Variants in DAAM1 observed in about 807,000 individuals in gnomAD.
DAAM1 encodes disheveled-associated activator of morphogenesis 1.
DAAM1 carries 52 observed loss-of-function variants against 130.0 expected under a neutral mutation model. That is an observed-to-expected ratio of 0.40 (90% CI 0.32 to 0.50). The LOEUF (loss-of-function observed/expected upper bound fraction) is 0.50. Ranked by LOEUF, DAAM1 falls within the 20% of genes least tolerant of loss-of-function variation. The probability of loss-of-function intolerance (pLI) is 0.61; values close to 1 mark genes in which losing one functional copy is unlikely to be tolerated. For synonymous variants in DAAM1, 452 were observed against 444.5 expected, an observed-to-expected ratio of 1.02 and a Z score of -0.21; for missense variants, 1,134 against 1,303.8, an observed-to-expected ratio of 0.87 and a Z score of 2.01.
chr14:59,298,344 C>G (rs528313909), intron 3 of DAAM1, among the ~76,000 whole-genome samples: 72 of 152,280 alleles, frequency 4.7e-4, no homozygotes, highest in African/African-American at 1.7e-3. Flanking sequence ...CTCAATCTCT[C>G]TCTCTCATTG....
intron 2 of DAAM1, 91 bp downstream of exon 2, chr14:59,263,751 A>G (rs755473610): frequency 6.6e-6 from 10 of 1,526,658 alleles, no homozygotes; most frequent in Non-Finnish European, 1.8e-6. Flanking sequence ...TTTGACATGG[A>G]CTTTTCCTTT....
intron 17 of DAAM1, among the ~76,000 whole-genome samples, chr14:59,347,875 A>G (rs1448426064): frequency 6.6e-6 from 1 of 152,236 alleles, no homozygotes; most frequent in African/African-American, 2.4e-5. Context: ...TCAAGCTGCA[A>G]TTAAGTCATT....
chr14:59,353,939 G>A lies in DAAM1; in HGVS notation c.2331G>A (p.Val777=). ...LYFKKKFAER[V]AEVKPKVEAI... Reference sequence around the variant, plus strand: ...TCAAAAAGAAGTTTGCAGAGCGTGTGGCAGAAGTGAAACCTAAAGTGGAAG... The same window carrying A: ...TCAAAAAGAAGTTTGCAGAGCGTGTAGCAGAAGTGAAACCTAAAGTGGAAG... Residue 777 remains valine (V), a synonymous_variant, in exon 19 of 25, where the codon GTG becomes GTA. Transcript: ENST00000360909. 1 of 1,614,022 alleles carries A rather than the reference G, an allele frequency of 6.2e-7. No homozygotes were observed. Among genetic ancestry groups the A allele is most frequent in the Non-Finnish European group, 8.5e-7 (1 of 1,179,932 alleles).
intron 13 of DAAM1, 51 bp from the exon 14 acceptor site, chr14:59,331,158 A>G (rs61264169): frequency 0.062 from 98,156 of 1,593,928 alleles, 4,871 homozygotes; most frequent in African/African-American, 0.26. Flanking sequence ...AAATCATTCA[A>G]TGAATTTACT....
intron 3 of DAAM1, among the ~76,000 whole-genome samples, chr14:59,298,839 T>G (rs986642523): frequency 6.6e-6 from 1 of 152,240 alleles, no homozygotes; most frequent in Non-Finnish European, 1.5e-5. Flanking sequence ...TCATTCCAGC[T>G]GTGTCCCTAC....
chr14:59,332,482 T>TC, intron 15 of DAAM1, among the ~76,000 whole-genome samples: 1 of 152,184 alleles, frequency 6.6e-6, no homozygotes, highest in Non-Finnish European at 1.5e-5. Context: ...GAGATGGTAA[T>TC]GGTGCAAATA....
At chr14:59,327,655 C>G (rs938366743) in intron 12 of DAAM1, among the ~76,000 whole-genome samples, 3 of 152,074 alleles carry the variant, frequency 2.0e-5, no homozygotes, top group African/African-American at 7.2e-5. Flanking sequence ...GATCCACCCG[C>G]CTTGGCTGCC....
intron 15 of DAAM1, among the ~76,000 whole-genome samples, chr14:59,335,348 T>C (rs1566710278): frequency 6.6e-6 from 1 of 152,216 alleles, no homozygotes; most frequent in Non-Finnish European, 1.5e-5. Context: ...AAAAGTTCAT[T>C]TGAAAGTCAA....
At chr14:59,330,903 G>T (rs1473248786) in intron 13 of DAAM1, among the ~76,000 whole-genome samples, 1 of 152,174 alleles carries the variant, frequency 6.6e-6, no homozygotes, top group Non-Finnish European at 1.5e-5. Flanking sequence ...AAGAGCAAAG[G>T]AAATTGCATT....
At chr14:59,245,322 G>T (rs1881321429) in intron 1 of DAAM1, among the ~76,000 whole-genome samples, 1 of 151,980 alleles carries the variant, frequency 6.6e-6, no homozygotes, top group African/African-American at 2.4e-5. Flanking sequence ...TTTCAATACT[G>T]TATTGCTTGC....
At chr14:59,338,243 T>C (rs1049122685) in intron 15 of DAAM1, 37 of 769,154 alleles carry the variant, frequency 4.8e-5, no homozygotes, top group Admixed American at 1.9e-4. Context: ...TCAACTCTCA[T>C]TGATGATCCC....
chr14:59,290,651 A>G (rs1052517876), intron 2 of DAAM1, among the ~76,000 whole-genome samples: 5 of 152,164 alleles, frequency 3.3e-5, no homozygotes, highest in Admixed American at 6.5e-5. Flanking sequence ...GCTTTCCGCT[A>G]TTCACTCCCT....
chr14:59,270,422 A>G (rs1010899552), intron 2 of DAAM1, among the ~76,000 whole-genome samples: 2 of 152,166 alleles, frequency 1.3e-5, no homozygotes, highest in Non-Finnish European at 2.9e-5. Context: ...CCAGCTCTCC[A>G]GGGAACTAAT....
chr14:59,368,948 A>C lies in DAAM1; in HGVS notation c.*89A>C. ...CATTACACTGCCTTGCAATCCAAAC[A>C]GTGGCAATTTTTTCCTTCATCTGTG... On this transcript the variant is annotated 3_prime_UTR_variant, in exon 25 of 25. Coordinates refer to ENST00000360909, the MANE Select transcript of DAAM1 (RefSeq NM_001270520.2). The C allele has an allele frequency of 8.0e-7, 1 of 1,252,518 alleles. No homozygotes were observed. Among genetic ancestry groups the C allele is most frequent in the Non-Finnish European group, 1.1e-6 (1 of 909,026 alleles). 77.6% of individuals were successfully genotyped at this position (1,252,518 alleles called of 1,614,324 possible).
chr14:59,303,505 A>G (rs1884259138), intron 3 of DAAM1, among the ~76,000 whole-genome samples: 1 of 152,166 alleles, frequency 6.6e-6, no homozygotes, highest in Non-Finnish European at 1.5e-5. Context: ...ACCTCAAGCA[A>G]AACTGGCATA....
intron 1 of DAAM1, among the ~76,000 whole-genome samples, chr14:59,257,002 G>GAA (rs1881923473): frequency 6.6e-6 from 1 of 152,194 alleles, no homozygotes; most frequent in Admixed American, 6.5e-5. Context: ...GGAATGAGTT[G>GAA]AAAAACTATG....
intron 1 of DAAM1, among the ~76,000 whole-genome samples, chr14:59,239,546 G>T (rs1889413348): frequency 6.6e-6 from 1 of 152,016 alleles, no homozygotes; most frequent in African/African-American, 2.4e-5. Flanking sequence ...TTTTACCTGT[G>T]CCCTTTTTCT....
intron 1 of DAAM1, among the ~76,000 whole-genome samples, chr14:59,230,342 T>C (rs1342613925): frequency 6.6e-6 from 1 of 151,730 alleles, no homozygotes; most frequent in African/African-American, 2.4e-5. Flanking sequence ...AGGATTCCCT[T>C]ACCCAGGAGG....
chr14:59,237,594 G>A (rs1381082140), intron 1 of DAAM1, among the ~76,000 whole-genome samples: 1 of 152,114 alleles, frequency 6.6e-6, no homozygotes, highest in African/African-American at 2.4e-5. Flanking sequence ...GGATATTTAC[G>A]CTATTGGGCC....
Sources: gnomAD v4.1 joint callset for allele counts (sites outside exome capture counted in the v4.1 genomes callset) on GRCh38, gnomAD v4.1.1 for gene constraint, MANE v1.5 for transcripts, NCBI Gene and HGNC (gene_info 2026-07-23, HGNC 2026-07-21) for gene names.